Variants in IGF1R observed in about 807,000 individuals in gnomAD.
The protein encoded by IGF1R is insulin-like growth factor 1 receptor.
IGF1R carries 44 observed loss-of-function variants against 144.6 expected under a neutral mutation model. The observed-to-expected ratio is 0.30, with a 90% confidence interval of 0.24 to 0.39. The LOEUF is 0.39. IGF1R is among the 10% of genes least tolerant of loss of function. The pLI is 1.00. For missense variants in IGF1R, 1,355 were observed against 1,833.7 expected, an observed-to-expected ratio of 0.74 and a Z score of 4.77; for synonymous variants, 795 against 722.8, an observed-to-expected ratio of 1.10 and a Z score of -1.60.
chr15:98,742,368 T>C (rs1277012094), intron 2 of IGF1R, among the ~76,000 whole-genome samples: 1 of 152,196 alleles, frequency 6.6e-6, no homozygotes, highest in Non-Finnish European at 1.5e-5. Context: ...ATCATTCATA[T>C]AGCCAGCAGG....
intron 2 of IGF1R, among the ~76,000 whole-genome samples, chr15:98,835,566 C>T (rs556962375): frequency 2.7e-4 from 41 of 152,286 alleles, no homozygotes; most frequent in African/African-American, 8.4e-4. Context: ...ATGAACCCTC[C>T]TCAATTTGGG....
At chr15:98,944,695 G>T (rs1490876887) in intron 19 of IGF1R, among the ~76,000 whole-genome samples, 3 of 152,232 alleles carry the variant, frequency 2.0e-5, no homozygotes, top group Non-Finnish European at 4.4e-5. Flanking sequence ...TTTAGGATTT[G>T]GGATGTATCC....
In IGF1R at chr15:98,812,038, T is replaced by G. The variant is rs191715886; in HGVS notation, c.641-79287T>G. 2.1e-3 allele frequency among the ~76,000 whole-genome samples: 315 copies of G among 152,360 alleles called. 3 individuals carry two copies. Among genetic ancestry groups the G allele is most frequent in the African/African-American group, 5.8e-3 (242 of 41,592 alleles). ...ATAAAATATTTCTAGTTCTTTTACT[T>G]GTTCTTTGTTTCAGAGTTTTAAGTC... is the stretch of plus-strand genomic sequence containing the variant. On this transcript the variant is annotated intron_variant, in intron 2 of 20. Coordinates refer to ENST00000650285, the MANE Select transcript of IGF1R (RefSeq NM_000875.5).
At chr15:98,832,047 G>T (rs922238165) in intron 2 of IGF1R, among the ~76,000 whole-genome samples, 1 of 152,106 alleles carries the variant, frequency 6.6e-6, no homozygotes, top group Non-Finnish European at 1.5e-5. Context: ...TGTTTGGGAC[G>T]CCTCAACACT....
At chr15:98,771,648 A>G (rs1172491031) in intron 2 of IGF1R, among the ~76,000 whole-genome samples, 1 of 152,158 alleles carries the variant, frequency 6.6e-6, no homozygotes, top group Non-Finnish European at 1.5e-5. Flanking sequence ...TGTATCTTAC[A>G]TCTAGGCTTG....
chr15:98,762,481 A>G (rs1178001761), intron 2 of IGF1R, among the ~76,000 whole-genome samples: 1 of 152,182 alleles, frequency 6.6e-6, no homozygotes, highest in African/African-American at 2.4e-5. Flanking sequence ...TAATCCCATC[A>G]CTTTGGGAGG....
chr15:98,955,704 C>A (rs779989479), intron 20 of IGF1R, among the ~76,000 whole-genome samples: 22 of 152,246 alleles, frequency 1.4e-4, no homozygotes, highest in African/African-American at 5.3e-4. Flanking sequence ...TCTTGGCAGG[C>A]CAGCTTCCAG....
intron 2 of IGF1R, among the ~76,000 whole-genome samples, chr15:98,799,726 C>T (rs142198458): frequency 2.6e-5 from 4 of 152,194 alleles, no homozygotes; most frequent in Admixed American, 1.3e-4. Context: ...ATGGCTGATC[C>T]CCAGCAGTGA....
At chr15:98,715,660 G>A (rs905825737) in intron 2 of IGF1R, among the ~76,000 whole-genome samples, 2 of 152,152 alleles carry the variant, frequency 1.3e-5, no homozygotes, top group East Asian at 3.9e-4. Context: ...CGTGTATAGG[G>A]TGGTTCAAAA....
chr15:98,939,476 C>T, intron 18 of IGF1R, 116 bp downstream of exon 18: 1 of 964,172 alleles, frequency 1.0e-6, no homozygotes. Context: ...AGTGCACGGA[C>T]TCCTTCTTGG....
chr15:98,896,739 T>A lies in IGF1R; in HGVS notation c.954-18T>A. 2 of 1,613,600 alleles carry A rather than the reference T, an allele frequency of 1.2e-6. No individual in the cohort carries two copies. Among genetic ancestry groups the A allele is most frequent in the Non-Finnish European group, 1.7e-6 (2 of 1,179,762 alleles). On this transcript the variant is annotated intron_variant, in intron 3 of 20. Coordinates refer to ENST00000650285, the MANE Select transcript of IGF1R (RefSeq NM_000875.5). ...CTCAATTATGTGTGTTTTTGATTTT[T>A]TTTTTCTTCTTCAACAGCATGTACT...
chr15:98,664,685 C>G (rs1413472099), intron 1 of IGF1R, among the ~76,000 whole-genome samples: 1 of 108,742 alleles, frequency 9.2e-6, no homozygotes, highest in Non-Finnish European at 1.6e-5. Context: ...AGTGAGACTC[C>G]ATGTCAAAAA....
chr15:98,842,948 G>C (rs1196939387), intron 2 of IGF1R, among the ~76,000 whole-genome samples: 1 of 152,156 alleles, frequency 6.6e-6, no homozygotes, highest in Non-Finnish European at 1.5e-5. Context: ...TTGAATTTTT[G>C]CTGTTAGCAA....
At chr15:98,897,753 C>A (rs774130382) in intron 4 of IGF1R, among the ~76,000 whole-genome samples, 8 of 152,114 alleles carry the variant, frequency 5.3e-5, no homozygotes, top group Non-Finnish European at 1.0e-4. Context: ...TTTTAAAAAT[C>A]TTTTCACTTC....
chr15:98,815,810 A>G (rs2056684977), intron 2 of IGF1R, among the ~76,000 whole-genome samples: 1 of 152,202 alleles, frequency 6.6e-6, no homozygotes, highest in Non-Finnish European at 1.5e-5. Flanking sequence ...GATGTGGGGC[A>G]GCCTGTTCTG....
At chr15:98,929,424 G>A in intron 13 of IGF1R, 134 bp from the exon 14 acceptor site, 1 of 740,520 alleles carries the variant, frequency 1.4e-6, no homozygotes, top group South Asian at 1.4e-5. Flanking sequence ...TTTACCTTCA[G>A]GAATTCTTAC....
Position 98,959,713 on chromosome 15 carries a change from A to G in IGF1R, c.*2271A>G. On this transcript the variant is annotated 3_prime_UTR_variant, in exon 21 of 21. Coordinates refer to ENST00000650285, the MANE Select transcript of IGF1R (RefSeq NM_000875.5). Reference sequence around the variant, plus strand: ...TGCTTCTGGGATAGAAATGTTTAGGAGTAAGAACAAAGCTGGGATACGGTG... The same window carrying G: ...TGCTTCTGGGATAGAAATGTTTAGGGGTAAGAACAAAGCTGGGATACGGTG... 2 of 233,674 alleles carry G rather than the reference A, an allele frequency of 8.6e-6. No homozygotes were observed. The highest frequency in any genetic ancestry group is 1.7e-5 in the Non-Finnish European group (2 of 118,038). 14.5% of individuals were successfully genotyped at this position (233,674 alleles called of 1,614,324 possible). A position where few individuals can be genotyped will look rare whatever the true frequency, so the allele number is the denominator to read the frequency against.
intron 1 of IGF1R, among the ~76,000 whole-genome samples, chr15:98,702,901 C>T (rs1308044612): frequency 6.6e-6 from 1 of 152,174 alleles, no homozygotes; most frequent in East Asian, 1.9e-4. Flanking sequence ...TGTGCTGCAG[C>T]ACTCTAGCCT....
At chr15:98,658,873 C>A (rs950044975) in intron 1 of IGF1R, among the ~76,000 whole-genome samples, 1 of 152,212 alleles carries the variant, frequency 6.6e-6, no homozygotes, top group Non-Finnish European at 1.5e-5. Context: ...AGTAGCTAAG[C>A]TCTCAGGCAA....
Sources: gnomAD v4.1 joint callset for allele counts (sites outside exome capture counted in the v4.1 genomes callset) on GRCh38, gnomAD v4.1.1 for gene constraint, MANE v1.5 for transcripts, NCBI Gene and HGNC (gene_info 2026-07-23, HGNC 2026-07-21) for gene names.